Variants in ASIC2 observed in about 807,000 individuals in gnomAD.
ASIC2 encodes acid-sensing ion channel 2.
A neutral mutation model predicts 57.3 loss-of-function variants in ASIC2; 25 were observed. That is an observed-to-expected ratio of 0.44 (90% CI 0.32 to 0.61). The LOEUF (loss-of-function observed/expected upper bound fraction) is 0.61, where lower values mean the gene tolerates loss of function less well. Ranked by LOEUF, ASIC2 falls within the 20% of genes least tolerant of loss-of-function variation. The pLI is 0.06. For synonymous variants in ASIC2, 319 were observed against 307.5 expected (o/e 1.04, Z -0.39); for missense variants, 641 against 738.1 (o/e 0.87, Z 1.52).
chr17:34,016,663 A>G (rs1906993216), intron 1 of ASIC2, among the ~76,000 whole-genome samples: 1 of 152,220 alleles, frequency 6.6e-6, no homozygotes, highest in Non-Finnish European at 1.5e-5. Flanking sequence ...TGTGTAACCT[A>G]TCTTTACTGG....
intron 1 of ASIC2, among the ~76,000 whole-genome samples, chr17:33,429,397 T>C (rs767520283): frequency 1.3e-5 from 2 of 152,086 alleles, no homozygotes; most frequent in Non-Finnish European, 2.9e-5. Flanking sequence ...TTTTGTCTTT[T>C]TTTGTTTTTT....
At chr17:33,643,206 C>A (rs968110369) in intron 1 of ASIC2, among the ~76,000 whole-genome samples, 2 of 151,120 alleles carry the variant, frequency 1.3e-5, no homozygotes, top group South Asian at 4.2e-4. Context: ...ATTATGACAT[C>A]TTGCCATTAA....
At chr17:33,206,150 A>G (rs1456248656) in intron 1 of ASIC2, among the ~76,000 whole-genome samples, 1 of 152,172 alleles carries the variant, frequency 6.6e-6, no homozygotes, top group Non-Finnish European at 1.5e-5. Context: ...AAATTTTAAT[A>G]TTTGTTTGCT....
intron 1 of ASIC2, among the ~76,000 whole-genome samples, chr17:33,892,998 C>T (rs1412743395): frequency 6.6e-6 from 1 of 152,144 alleles, no homozygotes; most frequent in Non-Finnish European, 1.5e-5. Flanking sequence ...AGATTTATGA[C>T]CCAATTTAAA....
chr17:33,174,358 T>G (rs766666076), intron 1 of ASIC2, among the ~76,000 whole-genome samples: 1 of 150,658 alleles, frequency 6.6e-6, no homozygotes, highest in Non-Finnish European at 1.5e-5. Flanking sequence ...GTGGTGGAGG[T>G]TGCAGTGAGC....
intron 1 of ASIC2, among the ~76,000 whole-genome samples, chr17:33,193,963 A>G (rs1906528487): frequency 6.6e-6 from 1 of 152,108 alleles, no homozygotes; most frequent in South Asian, 2.1e-4. Context: ...CTTTCACACG[A>G]TTCCTTGTCT....
At chr17:33,378,066 C>G (rs995832504) in intron 1 of ASIC2, among the ~76,000 whole-genome samples, 1 of 152,194 alleles carries the variant, frequency 6.6e-6, no homozygotes, top group African/African-American at 2.4e-5. Flanking sequence ...ACTCTCTGCT[C>G]TATGCATGGC....
At chr17:34,064,319 G>A (rs1909085032) in intron 1 of ASIC2, among the ~76,000 whole-genome samples, 1 of 152,148 alleles carries the variant, frequency 6.6e-6, no homozygotes, top group African/African-American at 2.4e-5. Flanking sequence ...TAATTGGCTA[G>A]CCACCTGTAG....
In ASIC2 at chr17:33,025,976, G is replaced by A; in HGVS notation, c.1145C>T (p.Ala382Val). 1 of 1,613,624 alleles carries A rather than the reference G, an allele frequency of 6.2e-7. No individual in the cohort carries two copies. Among genetic ancestry groups the A allele is most frequent in the Non-Finnish European group, 8.5e-7 (1 of 1,179,774 alleles). The change falls in exon 5 of 10, where the codon GCC becomes GTC. Residue 382 changes from alanine (A) to valine (V), a missense_variant. This residue lies in a region of ASIC2 where 252 missense variants were observed against 319.8 expected (regional missense o/e 0.79). Transcript: ENST00000225823. ...NCRMVHMPGD[A>V]PFCTPEQHKE... ...GTGCTGCTCAGGGGTACAAAAAGGG[G>A]CATCCCCTGCAAAGAAGAAACACCA...
intron 1 of ASIC2, among the ~76,000 whole-genome samples, chr17:33,151,661 G>A (rs1378744254): frequency 6.6e-6 from 1 of 152,158 alleles, no homozygotes; most frequent in East Asian, 1.9e-4. Flanking sequence ...TCACGGAGGT[G>A]GGTTCCTGAT....
At chr17:33,025,026 A>G (rs1433421127) in intron 5 of ASIC2, among the ~76,000 whole-genome samples, 3 of 151,748 alleles carry the variant, frequency 2.0e-5, no homozygotes, top group Middle Eastern at 3.2e-3. Context: ...GTTTCCAGCT[A>G]CCCTGGGTTT....
At chr17:33,240,696 T>TA (rs778009270) in intron 1 of ASIC2, among the ~76,000 whole-genome samples, 2 of 152,146 alleles carry the variant, frequency 1.3e-5, no homozygotes, top group Non-Finnish European at 2.9e-5. Context: ...GAAGGAGCTG[T>TA]AGCATTGGAA....
At chr17:34,117,202 C>G (rs762738764) in intron 1 of ASIC2, among the ~76,000 whole-genome samples, 1 of 151,954 alleles carries the variant, frequency 6.6e-6, no homozygotes, top group Non-Finnish European at 1.5e-5. Flanking sequence ...ACACAGTATA[C>G]TAGGGAAGAG....
At chr17:34,124,646 C>T (rs747169293) in intron 1 of ASIC2, among the ~76,000 whole-genome samples, 49 of 152,302 alleles carry the variant, frequency 3.2e-4, no homozygotes, top group Middle Eastern at 6.8e-3. Context: ...ATTTCTCACA[C>T]TTCCAAGTCT....
At chr17:34,001,930 T>C (rs1906358439) in intron 1 of ASIC2, 1 of 152,256 alleles carries the variant, frequency 6.6e-6, no homozygotes, top group African/African-American at 2.4e-5. Context: ...TTCATTTTGT[T>C]GACATTACTT....
At chr17:33,666,949 C>G (rs1447806934) in intron 1 of ASIC2, among the ~76,000 whole-genome samples, 1 of 152,152 alleles carries the variant, frequency 6.6e-6, no homozygotes, top group African/African-American at 2.4e-5. Flanking sequence ...TTGGGAAATC[C>G]TTATATTAAA....
At chr17:33,813,962 C>T (rs1912504350) in intron 1 of ASIC2, among the ~76,000 whole-genome samples, 1 of 152,046 alleles carries the variant, frequency 6.6e-6, no homozygotes, top group Admixed American at 6.5e-5. Context: ...TGGGGACATT[C>T]TCTTGGTCTC....
At chr17:33,466,688 G>A (rs932741127) in intron 1 of ASIC2, among the ~76,000 whole-genome samples, 9 of 152,004 alleles carry the variant, frequency 5.9e-5, no homozygotes, top group Non-Finnish European at 1.2e-4. Context: ...CAGAAATAAC[G>A]CCACACATCT....
chr17:33,770,502 C>G (rs946433725), intron 1 of ASIC2, among the ~76,000 whole-genome samples: 1 of 152,078 alleles, frequency 6.6e-6, no homozygotes, highest in African/African-American at 2.4e-5. Context: ...AGGTACAGGC[C>G]CTGGTTCTGG....
Sources: gnomAD v4.1 joint callset for allele counts (sites outside exome capture counted in the v4.1 genomes callset) on GRCh38, gnomAD v4.1.1 for gene constraint, gnomAD v4.1.1 regional missense constraint, MANE v1.5 for transcripts, NCBI Gene and HGNC (gene_info 2026-07-23, HGNC 2026-07-21) for gene names.